PGM1: variants seen among roughly 807,000 people sequenced by gnomAD.
The protein encoded by PGM1 is phosphoglucomutase 1, also known as phosphoglucomutase-1.
In PGM1, 52 loss-of-function variants were observed where a neutral mutation model predicts 55.6. That is an observed-to-expected ratio of 0.94 (90% confidence interval 0.75 to 1.18). The LOEUF (loss-of-function observed/expected upper bound fraction) is 1.18, where lower values mean the gene tolerates loss of function less well. Among genes scored for constraint, PGM1 ranks in the 50% most tolerant of loss-of-function variants. The probability of loss-of-function intolerance (pLI) is 0.00; values close to 1 mark genes in which losing one functional copy is unlikely to be tolerated. For missense variants in PGM1, 724 were observed against 729.3 expected, an observed-to-expected ratio of 0.99 and a Z score of 0.08; for synonymous variants, 287 against 271.7, an observed-to-expected ratio of 1.06 and a Z score of -0.55.
intron 1 of PGM1, chr1:63,623,062 G>C (rs1334837336): frequency 8.9e-6 from 2 of 224,184 alleles, no homozygotes; most frequent in East Asian, 3.0e-4. Context: ...CTTTGCCTGG[G>C]CTCTGAGAGT....
intron 5 of PGM1, 29 bp from the exon 6 acceptor site, chr1:63,636,205 T>C: frequency 6.2e-7 from 1 of 1,607,292 alleles, no homozygotes; most frequent in Non-Finnish European, 8.5e-7. Context: ...GATTAAAAGG[T>C]CTTTCTTTGA....
Position 63,630,042 on chromosome 1 carries a change from G to A in PGM1, c.510G>A (p.Leu170=). 1 of 1,614,056 alleles carries A rather than the reference G, an allele frequency of 6.2e-7. No homozygotes were observed. Among genetic ancestry groups the A allele is most frequent in the Non-Finnish European group, 8.5e-7 (1 of 1,179,932 alleles). ...CPDLKVDLGV[L]GKQQFDLENK... ...ACCTGAAAGTAGACCTTGGTGTTCTGGGAAAGCAGCAGTTTGACTTGGAAA... is the reference window on the plus strand; with the variant it reads ...ACCTGAAAGTAGACCTTGGTGTTCTAGGAAAGCAGCAGTTTGACTTGGAAA... The change falls in exon 3 of 11, where the codon CTG becomes CTA. Residue 170 remains leucine, a synonymous_variant. Transcript: ENST00000371084.
rs1649316325 is a variant in PGM1, at chr1:63,634,784, T to C, written c.683-45T>C. 4 of 1,545,126 alleles carry C rather than the reference T, an allele frequency of 2.6e-6. No homozygotes were observed. In the East Asian group the frequency reaches 9.0e-5, roughly 35 times the overall value. ...CTGAATCCTCACATACTTTAAGGAGTTTTATTTTCTGATTCTGCATACATT... is the reference window on the plus strand; with the variant it reads ...CTGAATCCTCACATACTTTAAGGAGCTTTATTTTCTGATTCTGCATACATT... On this transcript the variant is annotated intron_variant, in intron 4 of 10. Transcript: ENST00000371084.
In PGM1 at chr1:63,593,534, A is replaced by T; in HGVS notation, c.46A>T (p.Lys16Ter). ...TVKTQAYQDQ[K>*]PGTSGLRKRV... Reference sequence around the variant, plus strand: ...TAAGACCCAGGCGTACCAGGACCAGAAGCCGGGCACGAGCGGGCTGCGGAA... The same window carrying T: ...TAAGACCCAGGCGTACCAGGACCAGTAGCCGGGCACGAGCGGGCTGCGGAA... Residue 16 changes from lysine (K) to a stop codon, truncating the protein, a stop_gained, in exon 1 of 11, where the codon AAG becomes TAG. Transcript: ENST00000371084. LOFTEE classifies it high-confidence loss of function. 3.7e-6 allele frequency: 6 copies of T among 1,613,882 alleles called. No individual in the cohort carries two copies. Among genetic ancestry groups the T allele is most frequent in the Non-Finnish European group, 5.1e-6 (6 of 1,179,926 alleles).
chr1:63,594,099 G>A, intron 1 of PGM1: 1 of 1,024,512 alleles, frequency 9.8e-7, no homozygotes, highest in South Asian at 4.3e-5. Flanking sequence ...TGCAGCCTTG[G>A]AAGATACGAT....
At chr1:63,638,291 A>G (rs1050127768) in intron 6 of PGM1, among the ~76,000 whole-genome samples, 4 of 152,112 alleles carry the variant, frequency 2.6e-5, no homozygotes, top group Admixed American at 2.6e-4. Flanking sequence ...AACTGCCCAG[A>G]CCCAGTATGT....
intron 1 of PGM1, among the ~76,000 whole-genome samples, chr1:63,611,520 CA>C (rs1427974321): frequency 6.6e-6 from 1 of 152,086 alleles, no homozygotes; most frequent in Non-Finnish European, 1.5e-5. Flanking sequence ...ACATAAGACC[CA>C]GTCTGGGAAT....
chr1:63,631,604 T>C, intron 3 of PGM1, 53 bp from the exon 4 acceptor site: 1 of 1,566,498 alleles, frequency 6.4e-7, no homozygotes, highest in Non-Finnish European at 8.8e-7. Flanking sequence ...CAGAATATAA[T>C]ATTTCTAAAT....
At chr1:63,643,194 C>T (rs954012103) in intron 7 of PGM1, among the ~76,000 whole-genome samples, 5 of 152,198 alleles carry the variant, frequency 3.3e-5, no homozygotes, top group African/African-American at 1.2e-4. Context: ...CAGAATACGC[C>T]AGTAGAACTA....
intron 7 of PGM1, among the ~76,000 whole-genome samples, chr1:63,640,522 C>A (rs1228154831): frequency 6.6e-6 from 1 of 152,116 alleles, no homozygotes; most frequent in Non-Finnish European, 1.5e-5. Context: ...TGATATGATA[C>A]AATATCATCA....
intron 1 of PGM1, among the ~76,000 whole-genome samples, chr1:63,596,445 T>A (rs757640991): frequency 1.3e-5 from 2 of 151,806 alleles, no homozygotes. Flanking sequence ...TTAGTAGAGA[T>A]GAGGTTTCAC....
At chr1:63,596,420 C>T (rs984029144) in intron 1 of PGM1, among the ~76,000 whole-genome samples, 13 of 151,888 alleles carry the variant, frequency 8.6e-5, no homozygotes, top group African/African-American at 3.1e-4. Context: ...CCACACCTGG[C>T]TAATTTTTAT....
intron 1 of PGM1, among the ~76,000 whole-genome samples, chr1:63,613,829 G>A (rs770010650): frequency 1.3e-5 from 2 of 151,910 alleles, no homozygotes; most frequent in Non-Finnish European, 2.9e-5. Context: ...TTGCACTTGG[G>A]CAGTAGCCCT....
chr1:63,654,513 A>G (rs774844494), intron 10 of PGM1, 47 bp downstream of exon 10: 6 of 1,602,824 alleles, frequency 3.7e-6, no homozygotes, highest in Middle Eastern at 1.7e-4. Context: ...GTTCAAGGGA[A>G]TGATAGTTTC....
chr1:63,610,675 A>G (rs1334349210), intron 1 of PGM1, among the ~76,000 whole-genome samples: 2 of 151,976 alleles, frequency 1.3e-5, no homozygotes, highest in Non-Finnish European at 1.5e-5. Flanking sequence ...TTCTTCCCAG[A>G]TTTGCCAATG....
chr1:63,593,829 G>C lies in PGM1; in HGVS notation c.246+95G>C, dbSNP rs1057387343. The C allele has an allele frequency of 2.0e-4, 267 of 1,316,698 alleles. 1 individual carries two copies. The East Asian group carries it at 6.0e-3, about 30-fold the overall frequency. The allele number at this position is 1,316,698 out of a possible 1,614,324, so 81.6% of individuals were successfully genotyped here. On this transcript the variant is annotated intron_variant, in intron 1 of 10. Transcript: ENST00000371084. ...CCCTCGCTCGGGGCCGGCCGCTTCC[G>C]CGCGCTGCCGCCTCGGTTTCCACCT...
chr1:63,657,437 A>G (rs1010715499), intron 10 of PGM1, among the ~76,000 whole-genome samples: 1 of 152,238 alleles, frequency 6.6e-6, no homozygotes, highest in African/African-American at 2.4e-5. Context: ...TGGCTGGCAT[A>G]TAGGATTAAC....
rs868156370 is a variant in PGM1, at chr1:63,633,947, T to A, written c.683-882T>A. On this transcript the variant is annotated intron_variant, in intron 4 of 10. Transcript: ENST00000371084. The stretch of plus-strand genomic sequence containing the variant: ...ATATATATATATTTTTTTTTTTTTT[T>A]TTTTTTTTTTTTTTAGTAGAGACAG... Among the ~76,000 whole-genome samples, 225 of 119,574 alleles carry A rather than the reference T, an allele frequency of 1.9e-3. 1 individual carries two copies. Among genetic ancestry groups the A allele is most frequent in the African/African-American group, 2.5e-3 (76 of 30,110 alleles). The allele number at this position is 119,574 out of a possible 152,430, so 78.4% of individuals were successfully genotyped here.
At position 63,649,010 on chromosome 1, in the gene PGM1, C is replaced by G. The variant is rs140280843; in HGVS notation, c.1280+358C>G. On this transcript the variant is annotated intron_variant, in intron 8 of 10. Transcript: ENST00000371084. Reference sequence around the variant, plus strand: ...TAGATTGGGGAGCCATTTAGCTTTTCTCTGTACTCAGTTTTGTCATCTGTA... The same window carrying G: ...TAGATTGGGGAGCCATTTAGCTTTTGTCTGTACTCAGTTTTGTCATCTGTA... 1.5e-4 allele frequency among the ~76,000 whole-genome samples: 23 copies of G among 152,266 alleles called. No individual in the cohort carries two copies. In the East Asian group the frequency reaches 4.4e-3, roughly 29 times the overall value.
Sources: gnomAD v4.1 joint callset for allele counts (sites outside exome capture counted in the v4.1 genomes callset) on GRCh38, gnomAD v4.1.1 for gene constraint, MANE v1.5 for transcripts, NCBI Gene and HGNC (gene_info 2026-07-23, HGNC 2026-07-21) for gene names.